Variants in TBC1D5 observed in about 807,000 individuals in gnomAD.
The protein encoded by TBC1D5 is TBC1 domain family, member 5.
Under a neutral mutation model 100.3 loss-of-function variants are expected in TBC1D5, and 75 were observed. That is an observed-to-expected ratio of 0.75 (90% CI 0.62 to 0.91). The LOEUF (loss-of-function observed/expected upper bound fraction) is 0.91. Among genes scored for constraint, TBC1D5 ranks in the 40% least tolerant of loss-of-function variants. TBC1D5 has a pLI of 0.00. For missense variants in TBC1D5, 910 were observed against 942.4 expected (o/e 0.97, Z 0.45); for synonymous variants, 323 against 325.6 (o/e 0.99, Z 0.09).
intron 1 of TBC1D5, among the ~76,000 whole-genome samples, chr3:17,680,416 A>C (rs1045562323): frequency 2.0e-5 from 3 of 150,850 alleles, no homozygotes; most frequent in African/African-American, 7.4e-5. Context: ...TTGTAGAGAT[A>C]GGATCTCCCT....
At chr3:17,572,612 T>C (rs1287136569) in intron 2 of TBC1D5, among the ~76,000 whole-genome samples, 1 of 152,076 alleles carries the variant, frequency 6.6e-6, no homozygotes, top group Admixed American at 6.6e-5. Flanking sequence ...GTCCCATTTA[T>C]ATATCAACTA....
intron 4 of TBC1D5, among the ~76,000 whole-genome samples, chr3:17,407,840 T>C (rs1399892349): frequency 1.3e-5 from 2 of 152,162 alleles, no homozygotes; most frequent in Non-Finnish European, 2.9e-5. Flanking sequence ...TTCCAGCCCA[T>C]GCTGGAAGAA....
intron 3 of TBC1D5, among the ~76,000 whole-genome samples, chr3:17,465,939 T>C (rs2095293751): frequency 6.6e-6 from 1 of 152,176 alleles, no homozygotes; most frequent in East Asian, 1.9e-4. Context: ...ACCCAATTCC[T>C]TCTGCTAGGC....
chr3:17,726,304 G>A (rs1420210633), intron 1 of TBC1D5, among the ~76,000 whole-genome samples: 1 of 152,120 alleles, frequency 6.6e-6, no homozygotes, highest in Non-Finnish European at 1.5e-5. Context: ...TTCCACAATG[G>A]CTAAACTAAT....
intron 1 of TBC1D5, among the ~76,000 whole-genome samples, chr3:17,682,755 T>G (rs2069675311): frequency 6.6e-6 from 1 of 151,584 alleles, no homozygotes; most frequent in African/African-American, 2.4e-5. Context: ...ATTAAAATAT[T>G]TCCTATTAAT....
chr3:17,485,216 T>C (rs1196408055), intron 3 of TBC1D5, among the ~76,000 whole-genome samples: 1 of 152,112 alleles, frequency 6.6e-6, no homozygotes. Context: ...TCTGTTTATA[T>C]GCCTGAAAAC....
intron 13 of TBC1D5, among the ~76,000 whole-genome samples, chr3:17,344,583 T>A (rs866322110): frequency 1.2e-4 from 18 of 151,864 alleles, no homozygotes; most frequent in African/African-American, 2.4e-4. Context: ...GTTCATATGG[T>A]ACCAAAAAAG....
intron 13 of TBC1D5, among the ~76,000 whole-genome samples, chr3:17,357,152 T>C (rs2091292386): frequency 6.6e-6 from 1 of 151,962 alleles, no homozygotes; most frequent in South Asian, 2.1e-4. Context: ...GCGGATGCAG[T>C]AAGGGCCAAG....
intron 2 of TBC1D5, among the ~76,000 whole-genome samples, chr3:17,564,966 A>G (rs1341303028): frequency 2.0e-5 from 3 of 151,962 alleles, no homozygotes; most frequent in Admixed American, 1.3e-4. Flanking sequence ...GAAAAAAATG[A>G]AAGTTGAGAA....
intron 9 of TBC1D5, among the ~76,000 whole-genome samples, chr3:17,378,135 A>C (rs2092784940): frequency 6.6e-6 from 1 of 151,900 alleles, no homozygotes; most frequent in Non-Finnish European, 1.5e-5. Flanking sequence ...AGAAAATGAT[A>C]AAGGGGGAGA....
chr3:17,462,950 G>A (rs2095241817), intron 3 of TBC1D5, among the ~76,000 whole-genome samples: 1 of 151,946 alleles, frequency 6.6e-6, no homozygotes, highest in African/African-American at 2.4e-5. Context: ...TGGGGTAAGG[G>A]GTCTGTGTGG....
At chr3:17,259,086 A>AT (rs1468765619) in intron 15 of TBC1D5, among the ~76,000 whole-genome samples, 2 of 152,212 alleles carry the variant, frequency 1.3e-5, no homozygotes, top group African/African-American at 4.8e-5. Context: ...GAATTCAGCA[A>AT]TTCTTTTAAA....
chr3:17,489,720 G>A (rs2095614865), intron 3 of TBC1D5, among the ~76,000 whole-genome samples: 1 of 152,172 alleles, frequency 6.6e-6, no homozygotes, highest in Admixed American at 6.5e-5. Context: ...GTATTCCATG[G>A]TGAATATGTA....
intron 13 of TBC1D5, among the ~76,000 whole-genome samples, chr3:17,362,592 C>A (rs1254210991): frequency 6.6e-6 from 1 of 152,012 alleles, no homozygotes. Flanking sequence ...GTGCCTCAGC[C>A]TCCCAAGTAG....
At chr3:17,513,865 A>C (rs1016885639) in intron 2 of TBC1D5, among the ~76,000 whole-genome samples, 2 of 152,220 alleles carry the variant, frequency 1.3e-5, no homozygotes, top group Non-Finnish European at 2.9e-5. Context: ...TATAAAAGCA[A>C]GCTTCTCTGG....
At chr3:17,288,639 G>A (rs543254138) in intron 15 of TBC1D5, among the ~76,000 whole-genome samples, 100 of 152,152 alleles carry the variant, frequency 6.6e-4, no homozygotes, top group Non-Finnish European at 1.1e-3. Context: ...TAAAAGCTCC[G>A]GACCTAGCCA....
intron 18 of TBC1D5, among the ~76,000 whole-genome samples, chr3:17,198,991 T>C (rs929346999): frequency 6.6e-6 from 1 of 152,230 alleles, no homozygotes; most frequent in African/African-American, 2.4e-5. Flanking sequence ...CAGTGTGAAT[T>C]GCATTTTCCG....
intron 1 of TBC1D5, chr3:17,699,845 T>C (rs1278096120): frequency 3.3e-5 from 5 of 151,598 alleles, no homozygotes; most frequent in Admixed American, 3.3e-4. Flanking sequence ...AGTTTTCTCA[T>C]CTATTCTGGT....
At chr3:17,220,994 T>C (rs1438219720) in intron 17 of TBC1D5, among the ~76,000 whole-genome samples, 2 of 152,196 alleles carry the variant, frequency 1.3e-5, no homozygotes, top group East Asian at 1.9e-4. Context: ...TTTAAAGGAA[T>C]TGCTGTAATG....
Sources: allele counts gnomAD v4.1 joint callset (sites outside exome capture counted in the v4.1 genomes callset), GRCh38; gene constraint gnomAD v4.1.1; transcripts MANE v1.5; gene names NCBI Gene and HGNC (gene_info 2026-07-23, HGNC 2026-07-21).